The following SLC7A1 variants were observed in gnomAD, a reference collection of about 807,000 sequenced individuals.
The protein encoded by SLC7A1 is high affinity cationic amino acid transporter 1.
Under a neutral mutation model 53.9 loss-of-function variants are expected in SLC7A1, and 10 were observed. The observed-to-expected ratio is 0.19, with a 90% confidence interval of 0.11 to 0.31. SLC7A1 has a LOEUF of 0.31. SLC7A1 is among the 10% of genes least tolerant of loss of function. The pLI, the probability that SLC7A1 is intolerant of heterozygous loss-of-function variation, is 1.00. For missense variants in SLC7A1, 525 were observed against 827.2 expected (o/e 0.63, Z 4.48); for synonymous variants, 342 against 338.7 (o/e 1.01, Z -0.11).
rs140437395 is a variant in SLC7A1, at chr13:29,582,339, G to A, written c.-115+13077C>T. Among the ~76,000 whole-genome samples, 354 of 152,290 alleles carry A rather than the reference G, an allele frequency of 2.3e-3. 1 individual carries two copies. The highest frequency in any genetic ancestry group is 8.1e-3 in the African/African-American group (338 of 41,552). On this transcript the variant is annotated intron_variant, in intron 1 of 12. Transcript: ENST00000380752. Reference sequence around the variant, plus strand: ...AAATTCACACATCCTATCTGCAGACGGCTGTAAAGCGATAACCAAGCTGGG... The same window carrying A: ...AAATTCACACATCCTATCTGCAGACAGCTGTAAAGCGATAACCAAGCTGGG...
chr13:29,510,160 C>CT lies in SLC7A1; in HGVS notation c.*4319_*4320insA, dbSNP rs1320569913. On this transcript the variant is annotated 3_prime_UTR_variant, in exon 13 of 13. Transcript: ENST00000380752. ...TGGGGTTTTCAGCTGGCACTCAGCA[C>CT]ATTTGTAGAATGACCCAGGAGGGCT... is the stretch of plus-strand genomic sequence containing the variant. 2 of 152,604 alleles carry CT rather than the reference C, an allele frequency of 1.3e-5. No homozygotes were observed. The highest frequency in any genetic ancestry group is 4.8e-5 in the African/African-American group (2 of 41,444). 9.5% of individuals were successfully genotyped at this position (152,604 alleles called of 1,614,324 possible). A position where few individuals can be genotyped will look rare whatever the true frequency, so the allele number is the denominator to read the frequency against.
intron 1 of SLC7A1, among the ~76,000 whole-genome samples, chr13:29,568,748 G>A (rs1871072658): frequency 6.6e-6 from 1 of 152,222 alleles, no homozygotes. Flanking sequence ...AGGAGATGAT[G>A]ATCATGAGAC....
At chr13:29,520,134 C>T (rs533681801) in intron 8 of SLC7A1, among the ~76,000 whole-genome samples, 90 of 152,226 alleles carry the variant, frequency 5.9e-4, no homozygotes, top group African/African-American at 2.0e-3. Flanking sequence ...TCTATCTATC[C>T]ATCCATCCAT....
chr13:29,580,885 T>C (rs1433472412), intron 1 of SLC7A1, among the ~76,000 whole-genome samples: 1 of 151,708 alleles, frequency 6.6e-6, no homozygotes, highest in Non-Finnish European at 1.5e-5. Context: ...GCTCAAAAAT[T>C]CAAAAGCTAC....
At chr13:29,535,163 C>T (rs1440845988) in intron 3 of SLC7A1, among the ~76,000 whole-genome samples, 2 of 152,152 alleles carry the variant, frequency 1.3e-5, no homozygotes, top group Non-Finnish European at 2.9e-5. Context: ...AGCCCAAAGA[C>T]ATAAAGTAAT....
intron 6 of SLC7A1, 47 bp downstream of exon 6, chr13:29,524,085 G>T (rs752534374): frequency 2.6e-5 from 41 of 1,600,514 alleles, no homozygotes; most frequent in African/African-American, 5.4e-5. Context: ...TGGCTTGTTT[G>T]CCCAGGGTGC....
chr13:29,535,355 C>T (rs2150691), intron 3 of SLC7A1, among the ~76,000 whole-genome samples: 112,222 of 151,838 alleles, frequency 0.74, 42,835 homozygotes, highest in Non-Finnish European at 0.85. Flanking sequence ...TAAAGAGATA[C>T]ACTGTAGAAA....
Position 29,530,659 on chromosome 13 carries a change from A to G in SLC7A1, c.583T>C (p.Cys195Arg). 6.2e-7 allele frequency: 1 copy of G among 1,614,174 alleles called. No individual in the cohort carries two copies. The highest frequency in any genetic ancestry group is 8.5e-7 in the Non-Finnish European group (1 of 1,179,994). The part of the protein sequence containing the change: ...ESAMVNKIFT[C>R]INVLVLGFIM... The stretch of plus-strand genomic sequence containing the variant: ...AAGCCCAGGACCAGGACGTTAATAC[A>G]AGTGAATATTTTGTTGACCATGGCC... The change falls in exon 5 of 13, where the codon TGT becomes CGT. Residue 195 changes from cysteine (C) to arginine (R), a missense_variant. Physicochemically the swap from Cys to Arg is radical, Grantham distance 180. Transcript: ENST00000380752.
chr13:29,553,212 T>C (rs1003210684), intron 2 of SLC7A1, among the ~76,000 whole-genome samples: 2 of 152,122 alleles, frequency 1.3e-5, no homozygotes, highest in African/African-American at 2.4e-5. Flanking sequence ...GGGAGCAAGA[T>C]GAAAAGTTCT....
intron 1 of SLC7A1, among the ~76,000 whole-genome samples, chr13:29,586,484 C>T (rs1316881024): frequency 6.6e-6 from 1 of 152,196 alleles, no homozygotes; most frequent in Non-Finnish European, 1.5e-5. Flanking sequence ...AAATTGCACC[C>T]AGATGGTTTC....
intron 2 of SLC7A1, among the ~76,000 whole-genome samples, chr13:29,548,658 C>A (rs1240105637): frequency 6.6e-6 from 1 of 152,228 alleles, no homozygotes; most frequent in African/African-American, 2.4e-5. Context: ...TTCTCAAGGT[C>A]CAGCCTTCTC....
chr13:29,549,116 C>T (rs1356011433), intron 2 of SLC7A1, among the ~76,000 whole-genome samples: 4 of 152,326 alleles, frequency 2.6e-5, no homozygotes, highest in African/African-American at 7.2e-5. Context: ...CTCCTCTTTA[C>T]GTGGAGCGGA....
At chr13:29,516,286 G>A (rs1334677229) in intron 11 of SLC7A1, 40 bp from the exon 12 acceptor site, 5 of 1,318,938 alleles carry the variant, frequency 3.8e-6, no homozygotes, top group Middle Eastern at 1.8e-4. Flanking sequence ...TGGCAGTGGC[G>A]CCGGTTCCAA....
intron 1 of SLC7A1, among the ~76,000 whole-genome samples, chr13:29,577,689 C>G (rs1871465595): frequency 6.6e-6 from 1 of 152,216 alleles, no homozygotes; most frequent in Non-Finnish European, 1.5e-5. Context: ...ACTGAAATGC[C>G]ACATAGCCTG....
intron 1 of SLC7A1, among the ~76,000 whole-genome samples, chr13:29,561,498 G>A (rs192820025): frequency 3.2e-4 from 49 of 152,296 alleles, no homozygotes; most frequent in Middle Eastern, 6.8e-3. Flanking sequence ...GGGTGTCAGA[G>A]TGTTGTAAAA....
intron 2 of SLC7A1, among the ~76,000 whole-genome samples, chr13:29,553,015 C>T (rs983957827): frequency 1.3e-5 from 2 of 152,218 alleles, no homozygotes; most frequent in Admixed American, 1.3e-4. Flanking sequence ...ACTGGCCAGC[C>T]TTGACCGCCC....
chr13:29,559,771 A>C (rs1350811493), intron 1 of SLC7A1, among the ~76,000 whole-genome samples: 1 of 150,266 alleles, frequency 6.7e-6, no homozygotes, highest in Non-Finnish European at 1.5e-5. Flanking sequence ...GCTGGAGTGC[A>C]GTGGCGCGAT....
At chr13:29,562,909 G>A (rs1027861151) in intron 1 of SLC7A1, among the ~76,000 whole-genome samples, 2 of 152,122 alleles carry the variant, frequency 1.3e-5, no homozygotes, top group Non-Finnish European at 2.9e-5. Flanking sequence ...AGCTCATTTT[G>A]CACCCAGGAA....
chr13:29,549,174 C>T (rs1025811318), intron 2 of SLC7A1, among the ~76,000 whole-genome samples: 16 of 152,192 alleles, frequency 1.1e-4, no homozygotes, highest in African/African-American at 3.9e-4. Flanking sequence ...GAGGAGAATG[C>T]AATTCAATTT....
Sources: allele counts gnomAD v4.1 joint callset (sites outside exome capture counted in the v4.1 genomes callset), GRCh38; gene constraint gnomAD v4.1.1; transcripts MANE v1.5; gene names NCBI Gene and HGNC (gene_info 2026-07-23, HGNC 2026-07-21).